Variants in TRPM8 observed in about 807,000 individuals in gnomAD.
The protein encoded by TRPM8 is TRPM8 cationic channel.
In TRPM8, 110 loss-of-function variants were observed where a neutral mutation model predicts 133.7. The ratio of observed to expected loss-of-function variants is 0.82; its 90% CI spans 0.70 to 0.96. The LOEUF is 0.96. Among genes scored for constraint, TRPM8 ranks in the 40% least tolerant of loss-of-function variants. The pLI, the probability that TRPM8 is intolerant of heterozygous loss-of-function variation, is 0.00. For missense variants in TRPM8, 1,291 were observed against 1,379.5 expected (o/e 0.94, Z 1.02); for synonymous variants, 535 against 532.3 (o/e 1.01, Z -0.07).
chr2:233,926,272 G>A (rs563002097), intron 1 of TRPM8, among the ~76,000 whole-genome samples: 166 of 152,320 alleles, frequency 1.1e-3, no homozygotes, highest in African/African-American at 3.8e-3. Flanking sequence ...CTGCAAAGAG[G>A]GGGTGCCCAG....
intron 2 of TRPM8, among the ~76,000 whole-genome samples, chr2:233,928,807 C>T (rs997073205): frequency 1.3e-5 from 2 of 152,258 alleles, no homozygotes; most frequent in Middle Eastern, 3.4e-3. Flanking sequence ...GTGGCCGCCC[C>T]GTTGGCTTTC....
At chr2:233,923,505 G>A (rs1326804138) in intron 1 of TRPM8, among the ~76,000 whole-genome samples, 2 of 152,150 alleles carry the variant, frequency 1.3e-5, no homozygotes, top group South Asian at 4.1e-4. Context: ...GTCCCCTGCT[G>A]CCGTGCTCTG....
chr2:233,995,292 G>A (rs1480972511), intron 21 of TRPM8, among the ~76,000 whole-genome samples: 1 of 152,216 alleles, frequency 6.6e-6, no homozygotes, highest in African/African-American at 2.4e-5. Flanking sequence ...CAGACTGCTG[G>A]AACAGTGTCT....
intron 11 of TRPM8, 100 bp downstream of exon 11, chr2:233,955,350 C>A: frequency 1.2e-6 from 1 of 820,902 alleles, no homozygotes; most frequent in Non-Finnish European, 2.0e-6. Flanking sequence ...TACCAAATCT[C>A]TTAAAGGATT....
chr2:233,937,630 A>C lies in TRPM8; in HGVS notation c.348+121A>C. On this transcript the variant is annotated intron_variant, in intron 4 of 25. Coordinates refer to ENST00000324695, the MANE Select transcript of TRPM8 (RefSeq NM_024080.5). ...GGAGAGATGGGTAGTAAACACCAAAAACGATTGCAGAAAAAGATACATCTT... is the reference window on the plus strand; with the variant it reads ...GGAGAGATGGGTAGTAAACACCAAACACGATTGCAGAAAAAGATACATCTT... The C allele has an allele frequency of 6.1e-6, 7 of 1,144,236 alleles. No homozygotes were observed. In the East Asian group the frequency reaches 9.6e-5, roughly 16 times the overall value. 70.9% of individuals were successfully genotyped at this position (1,144,236 alleles called of 1,614,324 possible).
In TRPM8 at chr2:233,983,135, A is replaced by G; in HGVS notation, c.2672A>G (p.Gln891Arg). 6.2e-7 allele frequency: 1 copy of G among 1,614,188 alleles called. No homozygotes were observed. Among genetic ancestry groups the G allele is most frequent in the Non-Finnish European group, 8.5e-7 (1 of 1,180,008 alleles). Residue 891 changes from glutamine to arginine, a missense_variant, in exon 20 of 26, where the codon CAG becomes CGG. By Grantham distance (43) the Gln-to-Arg change is conservative (BLOSUM62 1). Transcript: ENST00000324695. ...FGVARQGILRQNEQRWRWIFR... is the reference protein window; with the variant it reads ...FGVARQGILRRNEQRWRWIFR... ...GTGGCCAGGCAAGGGATCCTTAGGC[A>G]GAATGAGCAGCGCTGGAGGTGGATA...
At chr2:233,966,177 A>G (rs1185243004) in intron 14 of TRPM8, 1 of 158,026 alleles carries the variant, frequency 6.3e-6, no homozygotes, top group African/African-American at 2.4e-5. Flanking sequence ...CTTATCTGCC[A>G]AACAACCTTG....
chr2:233,944,484 C>T (rs4663988), intron 6 of TRPM8, among the ~76,000 whole-genome samples: 57,170 of 152,044 alleles, frequency 0.38, 16,952 homozygotes, highest in African/African-American at 0.8. Flanking sequence ...AGGCTGTTTA[C>T]AGAGCCCATT....
intron 14 of TRPM8, among the ~76,000 whole-genome samples, chr2:233,965,446 GCTTGCCAGTGCC>G (rs1360709621): frequency 2.6e-5 from 4 of 152,210 alleles, no homozygotes; most frequent in African/African-American, 9.7e-5. Flanking sequence ...CTCGAACAAA[GCTTGCCAGTGCC>G]CTTTGCACAG....
At chr2:233,957,447 C>G (rs952740656) in intron 11 of TRPM8, among the ~76,000 whole-genome samples, 2 of 151,954 alleles carry the variant, frequency 1.3e-5, no homozygotes, top group Non-Finnish European at 2.9e-5. Context: ...TGAGATCACA[C>G]CACTGCACTC....
At chr2:233,956,993 G>A (rs899235469) in intron 11 of TRPM8, among the ~76,000 whole-genome samples, 1 of 152,156 alleles carries the variant, frequency 6.6e-6, no homozygotes. Context: ...AGATGGTTAA[G>A]GGTTAAGGGC....
Position 234,014,744 on chromosome 2 carries a change from TA to T in TRPM8, c.*42+91del, listed in dbSNP as rs1371353740. 3 of 507,924 alleles carry T rather than the reference TA, an allele frequency of 5.9e-6. No homozygotes were observed. The African/African-American group carries it at 6.2e-5, about 11-fold the overall frequency. 31.5% of individuals were successfully genotyped at this position (507,924 alleles called of 1,614,324 possible). On this transcript the variant is annotated intron_variant, in intron 25 of 25. Transcript: ENST00000324695. The stretch of plus-strand genomic sequence containing the variant: ...ATCATGATTTTTTCCTCAGTTATTT[TA>T]TTTCCATAAATTACCAAATTTGAAA...
intron 22 of TRPM8, among the ~76,000 whole-genome samples, chr2:234,005,937 C>CACAG (rs1692683879): frequency 6.7e-6 from 1 of 149,500 alleles, no homozygotes; most frequent in Non-Finnish European, 1.5e-5. Context: ...TACACACACA[C>CACAG]ACACACACAC....
At chr2:234,016,316 T>C (rs1202126083) in intron 25 of TRPM8, among the ~76,000 whole-genome samples, 1 of 152,208 alleles carries the variant, frequency 6.6e-6, no homozygotes, top group Non-Finnish European at 1.5e-5. Flanking sequence ...AGACAACAAA[T>C]TTGGCATGTC....
At chr2:233,925,780 G>A (rs1691501953) in intron 1 of TRPM8, among the ~76,000 whole-genome samples, 1 of 152,140 alleles carries the variant, frequency 6.6e-6, no homozygotes, top group African/African-American at 2.4e-5. Flanking sequence ...CAGAGGTTGA[G>A]TAGGCATTGA....
At chr2:234,002,480 T>G (rs904793234) in intron 22 of TRPM8, among the ~76,000 whole-genome samples, 1 of 152,150 alleles carries the variant, frequency 6.6e-6, no homozygotes, top group African/African-American at 2.4e-5. Context: ...GACACCTCTT[T>G]GATGACTGGA....
At chr2:233,974,927 G>A (rs994027471) in intron 17 of TRPM8, among the ~76,000 whole-genome samples, 1 of 152,054 alleles carries the variant, frequency 6.6e-6, no homozygotes, top group African/African-American at 2.4e-5. Flanking sequence ...GTGGAGGTGG[G>A]GAGGGAGAAA....
intron 23 of TRPM8, 25 bp from the exon 24 acceptor site, chr2:234,008,045 T>G: frequency 6.2e-7 from 1 of 1,607,506 alleles, no homozygotes; most frequent in South Asian, 1.1e-5. Flanking sequence ...CTTGTTCACT[T>G]TCTTTTTCAT....
intron 8 of TRPM8, among the ~76,000 whole-genome samples, chr2:233,949,400 G>A (rs2125126699): frequency 6.6e-6 from 1 of 152,314 alleles, no homozygotes; most frequent in Middle Eastern, 3.4e-3. Context: ...AAGTGTGCTA[G>A]GTGTTTATCC....
Sources: gnomAD v4.1 joint callset for allele counts (sites outside exome capture counted in the v4.1 genomes callset) on GRCh38, gnomAD v4.1.1 for gene constraint, MANE v1.5 for transcripts, NCBI Gene and HGNC (gene_info 2026-07-23, HGNC 2026-07-21) for gene names.